Variants in PNPT1 observed in about 807,000 individuals in gnomAD.
The protein encoded by PNPT1 is polyribonucleotide nucleotidyltransferase 1, mitochondrial.
PNPT1 carries 53 observed loss-of-function variants against 119.5 expected under a neutral mutation model. The observed-to-expected ratio is 0.44, with a 90% CI of 0.36 to 0.56. The LOEUF (loss-of-function observed/expected upper bound fraction) is 0.56. PNPT1 is among the 20% of genes least tolerant of loss of function. PNPT1 has a pLI of 0.00. For synonymous variants in PNPT1, 357 were observed against 322.1 expected (o/e 1.11, Z -1.16); for missense variants, 948 against 938.5 (o/e 1.01, Z -0.13).
Position 55,650,099 on chromosome 2 carries a change from G to T in PNPT1, c.1496-2646C>A, listed in dbSNP as rs185777503. ...TGTTGGGGAAAGAAGGATTGGTAAA[G>T]AATTCTTACTTAAAAAAAATCCTGC... On this transcript the variant is annotated intron_variant, in intron 18 of 27. Transcript: ENST00000447944. Among the ~76,000 whole-genome samples, 32 of 150,616 alleles carry T rather than the reference G, an allele frequency of 2.1e-4. 1 individual carries two copies. The South Asian group carries it at 5.9e-3, about 28-fold the overall frequency.
chr2:55,636,369 T>C lies in PNPT1; in HGVS notation c.2220A>G (p.Pro740=). 1 of 1,614,134 alleles carries C rather than the reference T, an allele frequency of 6.2e-7. No homozygotes were observed. Among genetic ancestry groups the C allele is most frequent in the South Asian group, 1.1e-5 (1 of 91,062 alleles). ...EIQVKYFGRD[P]ADGRMRLSRK... ...GAGAAAGCCTCATTCTTCCATCGGC[T>C]GGGTCACGTCCAAAGTATTTCACCT... Residue 740 remains proline, a synonymous_variant, in exon 28 of 28, where the codon CCA becomes CCG. Transcript: ENST00000447944.
At position 55,643,163 on chromosome 2, in the gene PNPT1, T is replaced by A. The variant is rs780574835; in HGVS notation, c.2064A>T (p.Glu688Asp). ...AGTATATTACTTGATATTACCTGAT[T>A]TCAGTTATTGTGGCGGTATATACTG... ...FGAVYTATIT[E>D]IRDTGVMVKL... The change falls in exon 25 of 28, where the codon GAA becomes GAT. Residue 688 changes from glutamate to aspartate, a missense_variant. Glu to Asp is a conservative substitution (Grantham distance 45). Coordinates refer to ENST00000447944, the MANE Select transcript of PNPT1 (RefSeq NM_033109.5). 5 of 1,614,132 alleles carry A rather than the reference T, an allele frequency of 3.1e-6. No individual in the cohort carries two copies. In the Admixed American group the frequency reaches 8.3e-5, roughly 27 times the overall value.
chr2:55,652,675 A>C (rs760532190), intron 18 of PNPT1, among the ~76,000 whole-genome samples: 1 of 152,204 alleles, frequency 6.6e-6, no homozygotes, highest in East Asian at 1.9e-4. Context: ...TTTCTGCATC[A>C]TTTACACAAG....
chr2:55,645,337 T>A lies in PNPT1; in HGVS notation c.1822+12A>T. 6.3e-7 allele frequency: 1 copy of A among 1,587,024 alleles called. No individual in the cohort carries two copies. Among genetic ancestry groups the A allele is most frequent in the Non-Finnish European group, 8.6e-7 (1 of 1,158,276 alleles). ...CCGCGCCCAGCCGATCACTAAAATT[T>A]TAATGTATTACCTACAACAGGTCCA... On this transcript the variant is annotated intron_variant, in intron 22 of 27. Transcript: ENST00000447944.
intron 18 of PNPT1, among the ~76,000 whole-genome samples, chr2:55,650,422 G>C (rs945212790): frequency 2.6e-5 from 4 of 152,234 alleles, no homozygotes; most frequent in African/African-American, 9.6e-5. Context: ...CGGGATTGCA[G>C]ACGGAGTCTC....
At chr2:55,666,876 A>T in intron 13 of PNPT1, 115 bp downstream of exon 13, 1 of 621,854 alleles carries the variant, frequency 1.6e-6, no homozygotes, top group Non-Finnish European at 2.6e-6. Flanking sequence ...ATATTAATTT[A>T]AATAAATAAT....
intron 26 of PNPT1, among the ~76,000 whole-genome samples, chr2:55,639,877 C>A (rs887739942): frequency 2.0e-4 from 31 of 152,234 alleles, no homozygotes; most frequent in African/African-American, 7.2e-4. Context: ...TCTTTTCCTA[C>A]CACCTTTTTT....
intron 18 of PNPT1, among the ~76,000 whole-genome samples, 153 bp from the exon 19 acceptor site, chr2:55,647,606 G>C (rs1324235236): frequency 6.6e-6 from 1 of 151,374 alleles, no homozygotes; most frequent in Non-Finnish European, 1.5e-5. Context: ...TGTAGCCTCT[G>C]CTTCCTGGGT....
Position 55,636,336 on chromosome 2 carries a change from C to A in PNPT1, c.2253G>T (p.Val751=). ...ADGRMRLSRK[V]LQSPATTVVR... ...CCACGGTTGTAGCTGGCGACTGAAG[C>A]ACTTTTCGAGAAAGCCTCATTCTTC... Residue 751 remains valine (V), a synonymous_variant, in exon 28 of 28, where the codon GTG becomes GTT. Coordinates refer to ENST00000447944, the MANE Select transcript of PNPT1 (RefSeq NM_033109.5). 1 of 1,614,092 alleles carries A rather than the reference C, an allele frequency of 6.2e-7. No homozygotes were observed. The highest frequency in any genetic ancestry group is 2.2e-5 in the East Asian group (1 of 44,870).
Position 55,659,785 on chromosome 2 carries a change from T to C in PNPT1, c.1284+372A>G, listed in dbSNP as rs115522982. 2.0e-4 allele frequency among the ~76,000 whole-genome samples: 30 copies of C among 152,226 alleles called. 1 individual carries two copies. The highest frequency in any genetic ancestry group is 5.3e-4 in the African/African-American group (22 of 41,538). ...AGCCCCAAATTGACCTTAATAGATA[T>C]ATGATAAAACTAGAAAAGTAAAATA... On this transcript the variant is annotated intron_variant, in intron 15 of 27. Coordinates refer to ENST00000447944, the MANE Select transcript of PNPT1 (RefSeq NM_033109.5).
intron 9 of PNPT1, 73 bp downstream of exon 9, chr2:55,672,820 G>T: frequency 7.2e-7 from 1 of 1,391,790 alleles, no homozygotes; most frequent in South Asian, 1.4e-5. Flanking sequence ...GTGCTTCCAT[G>T]GGAAGTTTCT....
At chr2:55,641,094 C>A (rs143640455) in intron 25 of PNPT1, among the ~76,000 whole-genome samples, 1 of 151,704 alleles carries the variant, frequency 6.6e-6, no homozygotes, top group Non-Finnish European at 1.5e-5. Context: ...CCTGGTGGCG[C>A]GCACCTGTAA....
chr2:55,676,355 T>C (rs1053917630), intron 8 of PNPT1, among the ~76,000 whole-genome samples: 2 of 151,494 alleles, frequency 1.3e-5, no homozygotes, highest in Non-Finnish European at 2.9e-5. Flanking sequence ...GCTGAAGCTA[T>C]AAATTCTAGA....
chr2:55,643,179 G>T lies in PNPT1; in HGVS notation c.2048C>A (p.Thr683Asn). 6.2e-7 allele frequency: 1 copy of T among 1,614,100 alleles called. No homozygotes were observed. Residue 683 changes from threonine to asparagine, a missense_variant, in exon 25 of 28, where the codon ACC (threonine) becomes AAC (asparagine). By Grantham distance (65) the Thr-to-Asn change is moderately conservative. Transcript: ENST00000447944. The stretch of plus-strand genomic sequence containing the variant: ...TTACCTGATTTCAGTTATTGTGGCG[G>T]TATATACTGCTCCAAATTCTAATTG... ...EQQLEFGAVY[T>N]ATITEIRDTG... is the part of the protein sequence containing the mutation.
chr2:55,683,756 G>A (rs1165759944), intron 5 of PNPT1, 29 bp downstream of exon 5: 2 of 1,581,322 alleles, frequency 1.3e-6, no homozygotes, highest in African/African-American at 2.7e-5. Flanking sequence ...GATTGATCTG[G>A]CAACTAAAAA....
chr2:55,652,885 T>C (rs1394140222), intron 18 of PNPT1, among the ~76,000 whole-genome samples: 1 of 152,236 alleles, frequency 6.6e-6, no homozygotes, highest in African/African-American at 2.4e-5. Context: ...AGTCACTCTG[T>C]TACCCAGGCT....
At position 55,689,020 on chromosome 2, in the gene PNPT1, T is replaced by C. The variant is rs141463093; in HGVS notation, c.162-1315A>G. Among the ~76,000 whole-genome samples, 4 of 151,978 alleles carry C rather than the reference T, an allele frequency of 2.6e-5. No individual in the cohort carries two copies. The East Asian group carries it at 7.7e-4, about 29-fold the overall frequency. On this transcript the variant is annotated intron_variant, in intron 1 of 27. Coordinates refer to ENST00000447944, the MANE Select transcript of PNPT1 (RefSeq NM_033109.5). Reference sequence around the variant, plus strand: ...AAGTTTTAGAAACAAAACACAGGAGTAAATCTTCAGAGACTTGGGCCACAC... The same window carrying C: ...AAGTTTTAGAAACAAAACACAGGAGCAAATCTTCAGAGACTTGGGCCACAC...
At chr2:55,691,876 ATATTTT>A (rs1204172984) in intron 1 of PNPT1, among the ~76,000 whole-genome samples, 11 of 18,504 alleles carry the variant, frequency 5.9e-4, no homozygotes, top group Non-Finnish European at 2.3e-4. Flanking sequence ...ATATATATAT[ATATTTT>A]TTTTTTTTTT....
intron 14 of PNPT1, among the ~76,000 whole-genome samples, chr2:55,661,091 C>CTTTTT (rs1171064705): frequency 5.6e-5 from 4 of 71,592 alleles, no homozygotes; most frequent in African/African-American, 1.3e-4. Context: ...AATAGAGATT[C>CTTTTT]TTTTTTTTTT....
Sources: allele counts gnomAD v4.1 joint callset (sites outside exome capture counted in the v4.1 genomes callset), GRCh38; gene constraint gnomAD v4.1.1; transcripts MANE v1.5; gene names NCBI Gene and HGNC (gene_info 2026-07-23, HGNC 2026-07-21).